Variants in HIVEP3 observed in about 807,000 individuals in gnomAD.
HIVEP3 encodes HIVEP zinc finger 3, also known as transcription factor HIVEP3.
HIVEP3 carries 49 observed loss-of-function variants against 152.8 expected under a neutral mutation model. The ratio of observed to expected loss-of-function variants is 0.32; its 90% CI spans 0.26 to 0.41. HIVEP3 has a LOEUF of 0.41. HIVEP3 is among the 10% of genes least tolerant of loss of function. HIVEP3 has a pLI of 1.00. For missense variants in HIVEP3, 2,790 were observed against 3,103.3 expected (o/e 0.90, Z 2.40); for synonymous variants, 1,269 against 1,289.0 (o/e 0.98, Z 0.33).
chr1:42,009,526 G>C (rs1645481324), intron 1 of HIVEP3, among the ~76,000 whole-genome samples: 1 of 152,022 alleles, frequency 6.6e-6, no homozygotes, highest in Non-Finnish European at 1.5e-5. Context: ...TCATACTTTT[G>C]GATGTCCCTT....
At chr1:41,719,822 C>T (rs1290793247) in intron 1 of HIVEP3, among the ~76,000 whole-genome samples, 3 of 152,210 alleles carry the variant, frequency 2.0e-5, no homozygotes, top group Non-Finnish European at 4.4e-5. Context: ...CAGGGAACCA[C>T]TAAGCCTTGG....
At chr1:41,622,737 T>A (rs1365951798) in intron 3 of HIVEP3, among the ~76,000 whole-genome samples, 1 of 152,144 alleles carries the variant, frequency 6.6e-6, no homozygotes, top group Non-Finnish European at 1.5e-5. Flanking sequence ...CACGTTTCTA[T>A]CACTCTCGGA....
intron 1 of HIVEP3, among the ~76,000 whole-genome samples, chr1:41,846,720 G>T (rs945235136): frequency 6.6e-6 from 1 of 152,208 alleles, no homozygotes; most frequent in Non-Finnish European, 1.5e-5. Flanking sequence ...ATGAGTCACT[G>T]GCCTTTGCCA....
chr1:41,771,160 GT>G (rs1648331171), intron 1 of HIVEP3, among the ~76,000 whole-genome samples: 1 of 152,140 alleles, frequency 6.6e-6, no homozygotes, highest in Admixed American at 6.5e-5. Flanking sequence ...AATAAAATTG[GT>G]TGAGAAATCC....
intron 1 of HIVEP3, among the ~76,000 whole-genome samples, chr1:42,001,314 A>G (rs1645426632): frequency 1.3e-5 from 2 of 152,228 alleles, no homozygotes; most frequent in Non-Finnish European, 2.9e-5. Context: ...AACATTGTCT[A>G]TGGAGGGTGT....
In HIVEP3 at chr1:41,931,936, CT is replaced by C. The variant is rs146415809; in HGVS notation, n.120-13413del. 3.3e-5 allele frequency among the ~76,000 whole-genome samples: 5 copies of C among 150,890 alleles called. No individual in the cohort carries two copies. In the East Asian group the frequency reaches 5.8e-4, roughly 18 times the overall value. On this transcript the variant is annotated intron_variant and non_coding_transcript_variant, in intron 1 of 3. Transcript: ENST00000489103. ...CTTTCTTCCTTTTAAATCTTTTTGC[CT>C]TTTTTTTTCTTGCCTTATTGTACTA... is the stretch of plus-strand genomic sequence containing the variant.
chr1:41,736,036 CT>C lies in HIVEP3; in HGVS notation c.-800-35042del, dbSNP rs1646913590. On this transcript the variant is annotated intron_variant, in intron 1 of 8. Coordinates refer to ENST00000372583, the MANE Select transcript of HIVEP3 (RefSeq NM_024503.5). ...TGGGTGTGCAGGGGAGACACCACCT[CT>C]GAAGAGCCACCTTTTCCATGCTCAA... is the stretch of plus-strand genomic sequence containing the variant. Among the ~76,000 whole-genome samples, 6 of 152,312 alleles carry C rather than the reference CT, an allele frequency of 3.9e-5. No homozygotes were observed. In the South Asian group the frequency reaches 1.2e-3, roughly 32 times the overall value.
chr1:41,752,466 C>T (rs542330097), intron 1 of HIVEP3, among the ~76,000 whole-genome samples: 2 of 152,176 alleles, frequency 1.3e-5, no homozygotes, highest in African/African-American at 4.8e-5. Context: ...GTCAGCACGG[C>T]GATGGAGCTC....
intron 1 of HIVEP3, among the ~76,000 whole-genome samples, chr1:41,885,685 T>TCCTTCCTCCTTC (rs200853003): frequency 6.1e-5 from 9 of 147,930 alleles, no homozygotes; most frequent in East Asian, 3.9e-4. Flanking sequence ...AATCCTTCCT[T>TCCTTCCTCCTTC]CCTTCCTCCT....
In HIVEP3 at chr1:41,529,230, A is replaced by C. The variant is rs558270624; in HGVS notation, c.5208-4320T>G. ...TACACTCACACCCTCACCCTCACAC[A>C]TGCTCACACCCCCACTCACACTTAC... is the stretch of plus-strand genomic sequence containing the variant. On this transcript the variant is annotated intron_variant, in intron 5 of 8. Coordinates refer to ENST00000372583, the MANE Select transcript of HIVEP3 (RefSeq NM_024503.5). 5.1e-5 allele frequency among the ~76,000 whole-genome samples: 5 copies of C among 98,562 alleles called. No homozygotes were observed. The East Asian group carries it at 1.3e-3, about 25-fold the overall frequency. 64.7% of individuals were successfully genotyped at this position (98,562 alleles called of 152,430 possible).
At chr1:41,868,408 G>A (rs879862149) in intron 1 of HIVEP3, among the ~76,000 whole-genome samples, 3 of 151,948 alleles carry the variant, frequency 2.0e-5, no homozygotes, top group Non-Finnish European at 2.9e-5. Flanking sequence ...ATTTGCACTT[G>A]GATACTTTTA....
intron 1 of HIVEP3, among the ~76,000 whole-genome samples, chr1:41,726,134 T>C (rs1646748983): frequency 6.6e-6 from 1 of 152,212 alleles, no homozygotes. Context: ...TGATGAGCAG[T>C]TTTCATATTT....
intron 2 of HIVEP3, among the ~76,000 whole-genome samples, chr1:41,687,623 C>A (rs547192556): frequency 6.6e-6 from 1 of 152,350 alleles, no homozygotes; most frequent in Non-Finnish European, 1.5e-5. Flanking sequence ...AACGCACACA[C>A]TTAGGTGCAC....
At chr1:41,675,836 G>C (rs543875903) in intron 2 of HIVEP3, among the ~76,000 whole-genome samples, 28 of 152,216 alleles carry the variant, frequency 1.8e-4, no homozygotes, top group Non-Finnish European at 3.5e-4. Flanking sequence ...GAGCCCATGG[G>C]AAGGAGAACC....
chr1:41,846,065 A>T (rs2124375792), intron 1 of HIVEP3, among the ~76,000 whole-genome samples: 1 of 152,334 alleles, frequency 6.6e-6, no homozygotes, highest in South Asian at 2.1e-4. Flanking sequence ...CTCCATCTCA[A>T]AAAGAAATAA....
intron 1 of HIVEP3, among the ~76,000 whole-genome samples, chr1:41,930,611 A>G (rs544448157): frequency 1.3e-5 from 2 of 152,276 alleles, no homozygotes; most frequent in South Asian, 2.1e-4. Context: ...CAAAATTTCA[A>G]TAACTTGAGT....
rs543595742 is a variant in HIVEP3 at position 41,571,464 on chromosome 1, C to T, written c.5207+4080G>A. Among the ~76,000 whole-genome samples the T allele has an allele frequency of 3.9e-5, 6 of 152,150 alleles. No individual in the cohort carries two copies. In the South Asian group the frequency reaches 1.0e-3, roughly 26 times the overall value. ...ACTCCCAGGGGCTGCCTGGAAAATGCGGGCTTTGTTCAGGTGTGGAAGTGA... is the reference window on the plus strand; with the variant it reads ...ACTCCCAGGGGCTGCCTGGAAAATGTGGGCTTTGTTCAGGTGTGGAAGTGA... On this transcript the variant is annotated intron_variant, in intron 5 of 8. Transcript: ENST00000372583.
intron 1 of HIVEP3, among the ~76,000 whole-genome samples, chr1:41,733,416 C>G (rs1163036718): frequency 1.3e-5 from 2 of 152,236 alleles, no homozygotes; most frequent in Non-Finnish European, 2.9e-5. Context: ...AACCCTCCCC[C>G]AGTCACATCA....
chr1:41,562,281 G>T (rs72669043), intron 5 of HIVEP3, among the ~76,000 whole-genome samples: 6,470 of 152,262 alleles, frequency 0.042, 210 homozygotes, highest in Middle Eastern at 0.099. Flanking sequence ...ACACTGTCAG[G>T]TTCCCACCTG....
Sources: allele counts gnomAD v4.1 joint callset (sites outside exome capture counted in the v4.1 genomes callset), GRCh38; gene constraint gnomAD v4.1.1; transcripts MANE v1.5; gene names NCBI Gene and HGNC (gene_info 2026-07-23, HGNC 2026-07-21).